Variants in RBFOX1 observed in about 807,000 individuals in gnomAD.
RBFOX1 encodes the protein RNA binding fox-1 homolog 1.
In RBFOX1, 8 loss-of-function variants were observed where a neutral mutation model predicts 57.7. The observed-to-expected ratio is 0.14, with a 90% CI of 0.08 to 0.25. RBFOX1 has a LOEUF of 0.25. Among genes scored for constraint, RBFOX1 ranks in the 10% least tolerant of loss-of-function variants. RBFOX1 has a pLI of 1.00. For synonymous variants in RBFOX1, 326 were observed against 222.4 expected (o/e 1.47, Z -4.15); for missense variants, 611 against 548.5 (o/e 1.11, Z -1.14).
intron 4 of RBFOX1, among the ~76,000 whole-genome samples, chr16:5,888,080 C>T (rs1241764038): frequency 1.3e-5 from 2 of 152,204 alleles, no homozygotes; most frequent in Non-Finnish European, 2.9e-5. Context: ...GATTGTGTTC[C>T]TGCTGGCCTC....
chr16:6,818,749 C>T (rs1408554838), intron 3 of RBFOX1, among the ~76,000 whole-genome samples: 19 of 152,180 alleles, frequency 1.2e-4, no homozygotes, highest in Admixed American at 1.2e-3. Flanking sequence ...AAGCCCCAAG[C>T]TTCACAAGGG....
At chr16:7,221,878 T>C (rs370917526) in intron 4 of RBFOX1, among the ~76,000 whole-genome samples, 1 of 152,190 alleles carries the variant, frequency 6.6e-6, no homozygotes, top group African/African-American at 2.4e-5. Flanking sequence ...ACTTCATAAA[T>C]CCACAAGAGC....
At chr16:7,371,693 T>C (rs1229123719) in intron 4 of RBFOX1, among the ~76,000 whole-genome samples, 2 of 152,112 alleles carry the variant, frequency 1.3e-5, no homozygotes, top group Non-Finnish European at 2.9e-5. Flanking sequence ...GAGGTTGCAG[T>C]GAGCTGAGAT....
chr16:5,798,953 G>A (rs1420225804), intron 3 of RBFOX1, among the ~76,000 whole-genome samples: 3 of 152,034 alleles, frequency 2.0e-5, no homozygotes, highest in Admixed American at 6.5e-5. Context: ...GCAAGATCTC[G>A]GGTGAGCCAC....
At chr16:7,385,715 T>C (rs998450762) in intron 4 of RBFOX1, among the ~76,000 whole-genome samples, 1 of 152,116 alleles carries the variant, frequency 6.6e-6, no homozygotes, top group Non-Finnish European at 1.5e-5. Flanking sequence ...GGGTTTGTCA[T>C]GGTGGTTATT....
intron 2 of RBFOX1, among the ~76,000 whole-genome samples, chr16:6,588,121 C>T (rs1204354882): frequency 6.6e-6 from 1 of 151,904 alleles, no homozygotes; most frequent in Non-Finnish European, 1.5e-5. Flanking sequence ...ATCCCAGCTA[C>T]TCGGGAGGCT....
At chr16:6,899,850 A>C (rs180870796) in intron 3 of RBFOX1, among the ~76,000 whole-genome samples, 1 of 152,200 alleles carries the variant, frequency 6.6e-6, no homozygotes, top group African/African-American at 2.4e-5. Flanking sequence ...TTCGTTAGTA[A>C]ATAATAGTAG....
chr16:7,578,706 A>G (rs909591717), intron 5 of RBFOX1, among the ~76,000 whole-genome samples: 2 of 152,226 alleles, frequency 1.3e-5, no homozygotes, highest in Non-Finnish European at 2.9e-5. Context: ...TAAGCTTTCT[A>G]TCATAGTTTC....
intron 3 of RBFOX1, among the ~76,000 whole-genome samples, chr16:6,914,427 A>C (rs2072559597): frequency 6.6e-6 from 1 of 152,156 alleles, no homozygotes; most frequent in African/African-American, 2.4e-5. Flanking sequence ...AAGAGAAAAG[A>C]CAGTAGTAAA....
At chr16:7,049,418 C>G (rs556877452) in intron 3 of RBFOX1, among the ~76,000 whole-genome samples, 3 of 152,056 alleles carry the variant, frequency 2.0e-5, no homozygotes, top group Non-Finnish European at 2.9e-5. Flanking sequence ...TGCCTGGAGA[C>G]TGCAGCATAA....
chr16:6,024,286 A>T (rs772616925), intron 1 of RBFOX1, among the ~76,000 whole-genome samples: 1 of 152,176 alleles, frequency 6.6e-6, no homozygotes, highest in Non-Finnish European at 1.5e-5. Context: ...CTTGTAGCTT[A>T]TATTGTCGTG....
chr16:6,581,241 T>C (rs2097533280), intron 2 of RBFOX1, among the ~76,000 whole-genome samples: 3 of 152,160 alleles, frequency 2.0e-5, no homozygotes, highest in South Asian at 2.1e-4. Context: ...CTTTGGTGAT[T>C]TGCAAAGTCT....
chr16:7,151,844 G>A (rs1003657782), intron 4 of RBFOX1, among the ~76,000 whole-genome samples: 1 of 152,076 alleles, frequency 6.6e-6, no homozygotes, highest in Non-Finnish European at 1.5e-5. Flanking sequence ...CGCATGCACA[G>A]TTCACAAGAG....
chr16:6,910,487 T>C (rs936320836), intron 3 of RBFOX1, among the ~76,000 whole-genome samples: 2 of 152,206 alleles, frequency 1.3e-5, no homozygotes, highest in Non-Finnish European at 2.9e-5. Context: ...GATTCCCCAC[T>C]TGTGTTAATC....
intron 4 of RBFOX1, among the ~76,000 whole-genome samples, chr16:7,149,752 C>A (rs1343803190): frequency 6.6e-6 from 1 of 152,022 alleles, no homozygotes; most frequent in Non-Finnish European, 1.5e-5. Flanking sequence ...CCGCCTCTAC[C>A]CCATTCTGAC....
intron 4 of RBFOX1, among the ~76,000 whole-genome samples, chr16:7,070,123 A>T (rs548889863): frequency 1.3e-5 from 2 of 152,288 alleles, no homozygotes; most frequent in South Asian, 2.1e-4. Context: ...TTTGCAAGCA[A>T]CTGCCGCTGT....
intron 4 of RBFOX1, among the ~76,000 whole-genome samples, chr16:7,503,524 T>C (rs1254265132): frequency 6.6e-6 from 1 of 152,198 alleles, no homozygotes; most frequent in African/African-American, 2.4e-5. Context: ...TTTGGTTAAA[T>C]GTAGTAGTAT....
At chr16:7,694,531 A>T (rs541619409) in intron 14 of RBFOX1, among the ~76,000 whole-genome samples, 1 of 152,320 alleles carries the variant, frequency 6.6e-6, no homozygotes, top group East Asian at 1.9e-4. Flanking sequence ...GGTATGCATG[A>T]TGCATGCTGA....
chr16:6,287,077 G>A (rs1388622253), intron 1 of RBFOX1, among the ~76,000 whole-genome samples: 1 of 152,116 alleles, frequency 6.6e-6, no homozygotes, highest in Non-Finnish European at 1.5e-5. Context: ...TAAGGGAACA[G>A]CATAGTTCAT....
Sources: allele counts gnomAD v4.1 joint callset (sites outside exome capture counted in the v4.1 genomes callset), GRCh38; gene constraint gnomAD v4.1.1; transcripts MANE v1.5; gene names NCBI Gene and HGNC (gene_info 2026-07-23, HGNC 2026-07-21).